The following LRRC28 variants were observed in gnomAD, a reference collection of about 807,000 sequenced individuals.
LRRC28 encodes leucine-rich repeat-containing protein 28.
Under a neutral mutation model 45.7 loss-of-function variants are expected in LRRC28, and 39 were observed. The observed-to-expected ratio is 0.85, with a 90% CI of 0.66 to 1.12. The LOEUF is 1.12. LRRC28 is among the 50% of genes most tolerant of loss of function. The pLI, the probability that LRRC28 is intolerant of heterozygous loss-of-function variation, is 0.00. For missense variants in LRRC28, 435 were observed against 438.5 expected, an observed-to-expected ratio of 0.99 and a Z score of 0.07; for synonymous variants, 206 against 178.8, an observed-to-expected ratio of 1.15 and a Z score of -1.22.
At chr15:99,252,928 C>G (rs1255285341) in intron 1 of LRRC28, among the ~76,000 whole-genome samples, 1 of 152,202 alleles carries the variant, frequency 6.6e-6, no homozygotes, top group African/African-American at 2.4e-5. Context: ...GTGAAGAAAA[C>G]AACGCAGTCC....
At chr15:99,268,303 T>C (rs2081384437) in intron 2 of LRRC28, among the ~76,000 whole-genome samples, 1 of 152,192 alleles carries the variant, frequency 6.6e-6, no homozygotes, top group Non-Finnish European at 1.5e-5. Context: ...ATTCTTTGCT[T>C]TTTAAATGAA....
intron 5 of LRRC28, among the ~76,000 whole-genome samples, chr15:99,290,054 T>C (rs1343228191): frequency 6.6e-6 from 1 of 151,182 alleles, no homozygotes; most frequent in African/African-American, 2.4e-5. Flanking sequence ...GGTCAGGAGT[T>C]CGAGACCAGC....
At position 99,312,695 on chromosome 15, in the gene LRRC28, C is replaced by T. The variant is rs563829938; in HGVS notation, c.386-21228C>T. Among the ~76,000 whole-genome samples, 7 of 152,216 alleles carry T rather than the reference C, an allele frequency of 4.6e-5. No individual in the cohort carries two copies. In the South Asian group the frequency reaches 6.2e-4, roughly 14 times the overall value. Reference sequence around the variant, plus strand: ...GTTTATACCAGCATCATCACAAACACGTGAGTAATGAGTTGTGCTACAATG... The same window carrying T: ...GTTTATACCAGCATCATCACAAACATGTGAGTAATGAGTTGTGCTACAATG... On this transcript the variant is annotated intron_variant, in intron 5 of 9. Coordinates refer to ENST00000301981, the MANE Select transcript of LRRC28 (RefSeq NM_144598.5).
intron 6 of LRRC28, among the ~76,000 whole-genome samples, chr15:99,341,955 G>A (rs1956528716): frequency 6.6e-6 from 1 of 152,136 alleles, no homozygotes; most frequent in Admixed American, 6.5e-5. Context: ...GGAACATAGT[G>A]CAGCTGAGCA....
chr15:99,341,175 C>T (rs1008935351), intron 6 of LRRC28, among the ~76,000 whole-genome samples: 4 of 149,896 alleles, frequency 2.7e-5, no homozygotes, highest in African/African-American at 9.8e-5. Flanking sequence ...ACTACAACCT[C>T]CACCTCCCGG....
chr15:99,385,721 G>A (rs1957963071), intron 9 of LRRC28, among the ~76,000 whole-genome samples: 1 of 150,834 alleles, frequency 6.6e-6, no homozygotes, highest in Non-Finnish European at 1.5e-5. Context: ...AGCAGAGTTC[G>A]AAACGTAATG....
At chr15:99,344,308 C>G (rs1659427785) in intron 6 of LRRC28, among the ~76,000 whole-genome samples, 1 of 151,968 alleles carries the variant, frequency 6.6e-6, no homozygotes, top group Non-Finnish European at 1.5e-5. Context: ...TGTCAGGAAG[C>G]AGTTAGTAAG....
intron 5 of LRRC28, among the ~76,000 whole-genome samples, chr15:99,310,370 A>G (rs1033608275): frequency 4.6e-5 from 7 of 152,264 alleles, no homozygotes; most frequent in African/African-American, 1.7e-4. Flanking sequence ...CTAATGAAAT[A>G]TCTTGGCAAA....
Position 99,289,371 on chromosome 15 carries a change from A to C in LRRC28, c.385+1420A>C, listed in dbSNP as rs564993931. 1.6e-4 allele frequency among the ~76,000 whole-genome samples: 24 copies of C among 152,356 alleles called. No homozygotes were observed. In the South Asian group the frequency reaches 5.0e-3, roughly 32 times the overall value. ...GTCTGAGATTATTTTTACTCTTTTG[A>C]GTAAAACCAACTCGAGAACACCAAC... On this transcript the variant is annotated intron_variant, in intron 5 of 9. Transcript: ENST00000301981.
At position 99,326,039 on chromosome 15, in the gene LRRC28, G is replaced by A. The variant is rs371839789; in HGVS notation, c.386-7884G>A. On this transcript the variant is annotated intron_variant, in intron 5 of 9. Coordinates refer to ENST00000301981, the MANE Select transcript of LRRC28 (RefSeq NM_144598.5). ...GCTTGGTGTCAACAGTAGAGGTCTC[G>A]GAGAGGCTAACAGATTCAGTATGGA... 7.2e-5 allele frequency among the ~76,000 whole-genome samples: 11 copies of A among 152,198 alleles called. 1 individual carries two copies. The highest frequency in any genetic ancestry group is 2.1e-4 in the South Asian group (1 of 4,806).
chr15:99,282,594 T>G (rs1049399824), intron 3 of LRRC28, among the ~76,000 whole-genome samples: 7 of 152,192 alleles, frequency 4.6e-5, no homozygotes, highest in African/African-American at 1.7e-4. Flanking sequence ...TGTGTTACAG[T>G]TGTCTACAGT....
In LRRC28 at chr15:99,334,092, C is replaced by A; in HGVS notation, c.555C>A (p.Leu185=). 1 of 1,614,130 alleles carries A rather than the reference C, an allele frequency of 6.2e-7. No individual in the cohort carries two copies. Among genetic ancestry groups the A allele is most frequent in the Non-Finnish European group, 8.5e-7 (1 of 1,179,990 alleles). The part of the protein sequence containing the change: ...HLCQLPSLNE[L]SMAGNRLAFL... ...GCCAGCTGCCCAGCCTCAATGAGCT[C>A]TCCATGGCTGGAAACCGTCTTGCAT... The change falls in exon 6 of 10, where the codon CTC becomes CTA. Residue 185 remains leucine (L), a synonymous_variant. Transcript: ENST00000301981.
chr15:99,289,738 C>T (rs1469205612), intron 5 of LRRC28, among the ~76,000 whole-genome samples: 1 of 147,774 alleles, frequency 6.8e-6, no homozygotes, highest in African/African-American at 2.5e-5. Context: ...TCGAGACCAT[C>T]CTGGCTAACA....
At position 99,287,831 on chromosome 15, in the gene LRRC28, A is replaced by C; in HGVS notation, c.265A>C (p.Lys89Gln). ...CTTTGAAGCCATTGGGTCTCTTGTA[A>C]AACTCCAATGTCTGGATCTTAGTGA... ...VVPEAIGSLV[K>Q]LQCLDLSDNA... The change falls in exon 5 of 10, where the codon AAA (lysine) becomes CAA (glutamine). Residue 89 changes from lysine (K) to glutamine (Q), a missense_variant. Lys to Gln is a moderately conservative substitution (Grantham distance 53). Transcript: ENST00000301981. 2.5e-6 allele frequency: 4 copies of C among 1,612,332 alleles called. No homozygotes were observed. Among genetic ancestry groups the C allele is most frequent in the Non-Finnish European group, 3.4e-6 (4 of 1,179,118 alleles).
At chr15:99,360,724 T>C (rs1053023599) in intron 7 of LRRC28, among the ~76,000 whole-genome samples, 2 of 152,212 alleles carry the variant, frequency 1.3e-5, no homozygotes, top group African/African-American at 4.8e-5. Flanking sequence ...AGATTGGATT[T>C]GTGAGTTTCG....
chr15:99,289,412 T>G (rs920799660), intron 5 of LRRC28, among the ~76,000 whole-genome samples: 2 of 152,190 alleles, frequency 1.3e-5, no homozygotes, highest in Non-Finnish European at 2.9e-5. Context: ...TTTTAGTGTA[T>G]CTAAGTGAAA....
At chr15:99,269,674 ATT>A (rs1289792887) in intron 2 of LRRC28, among the ~76,000 whole-genome samples, 1 of 152,198 alleles carries the variant, frequency 6.6e-6, no homozygotes, top group African/African-American at 2.4e-5. Flanking sequence ...AAGTGTTAGG[ATT>A]ACAGGTGTGA....
chr15:99,276,485 C>T (rs1257007380), intron 2 of LRRC28, 91 bp from the exon 3 acceptor site: 2 of 1,026,020 alleles, frequency 1.9e-6, no homozygotes, highest in Non-Finnish European at 2.8e-6. Context: ...ATTTACACCC[C>T]TCAAAAAGGT....
At chr15:99,322,531 G>A (rs1269817928) in intron 5 of LRRC28, among the ~76,000 whole-genome samples, 1 of 152,094 alleles carries the variant, frequency 6.6e-6, no homozygotes, top group East Asian at 1.9e-4. Context: ...GTAAGTTACA[G>A]TGGTGTTCCC....
Sources: allele counts gnomAD v4.1 joint callset (sites outside exome capture counted in the v4.1 genomes callset), GRCh38; gene constraint gnomAD v4.1.1; transcripts MANE v1.5; gene names NCBI Gene and HGNC (gene_info 2026-07-23, HGNC 2026-07-21).